Variants in DGKB observed in about 807,000 individuals in gnomAD.
DGKB encodes diacylglycerol kinase beta.
A neutral mutation model predicts 114.3 loss-of-function variants in DGKB; 67 were observed. The ratio of observed to expected loss-of-function variants is 0.59; its 90% CI spans 0.48 to 0.72. DGKB has a LOEUF of 0.72. Ranked by LOEUF, DGKB falls within the 30% of genes least tolerant of loss-of-function variation. DGKB has a pLI of 0.00. For synonymous variants in DGKB, 398 were observed against 323.1 expected (o/e 1.23, Z -2.49); for missense variants, 907 against 975.2 (o/e 0.93, Z 0.93).
chr7:14,650,755 C>T (rs1216310767), intron 13 of DGKB, among the ~76,000 whole-genome samples: 2 of 135,616 alleles, frequency 1.5e-5, no homozygotes, highest in Non-Finnish European at 3.1e-5. Context: ...GCTAGCAAGA[C>T]TAATAAAGAA....
intron 23 of DGKB, among the ~76,000 whole-genome samples, chr7:14,204,827 A>G (rs543165166): frequency 8.5e-5 from 13 of 152,176 alleles, no homozygotes; most frequent in South Asian, 2.1e-4. Context: ...TAGGGGAAAA[A>G]GAAATGTATT....
At chr7:14,909,008 T>C (rs1562867939) in intron 1 of DGKB, among the ~76,000 whole-genome samples, 1 of 124,826 alleles carries the variant, frequency 8.0e-6, no homozygotes, top group South Asian at 2.3e-4. Context: ...TCTCAGTCTA[T>C]GACTGGCTGG....
At chr7:14,819,803 T>C (rs905260054) in intron 2 of DGKB, among the ~76,000 whole-genome samples, 1 of 151,932 alleles carries the variant, frequency 6.6e-6, no homozygotes, top group African/African-American at 2.4e-5. Context: ...CATATATCTT[T>C]AAGAGTCAAA....
chr7:14,222,077 C>T (rs920856970), intron 23 of DGKB, among the ~76,000 whole-genome samples: 2 of 150,748 alleles, frequency 1.3e-5, no homozygotes, highest in East Asian at 1.9e-4. Flanking sequence ...TTGTTAATTT[C>T]GTTGATCTTT....
intron 23 of DGKB, among the ~76,000 whole-genome samples, chr7:14,288,827 T>C (rs942194064): frequency 6.6e-6 from 1 of 152,200 alleles, no homozygotes; most frequent in Non-Finnish European, 1.5e-5. Flanking sequence ...AGGAGGTTCC[T>C]TGACGTGTTG....
At chr7:14,245,679 G>T (rs1166610537) in intron 23 of DGKB, among the ~76,000 whole-genome samples, 1 of 152,200 alleles carries the variant, frequency 6.6e-6, no homozygotes, top group African/African-American at 2.4e-5. Context: ...TGTAATCCTA[G>T]CACTTTGGGA....
chr7:14,197,826 G>T (rs1181672147), intron 23 of DGKB, among the ~76,000 whole-genome samples: 1 of 152,098 alleles, frequency 6.6e-6, no homozygotes, highest in Non-Finnish European at 1.5e-5. Flanking sequence ...GTTTCTGTTT[G>T]ACAAGCTCAC....
At chr7:14,451,927 T>C (rs1255632883) in intron 21 of DGKB, among the ~76,000 whole-genome samples, 2 of 152,106 alleles carry the variant, frequency 1.3e-5, no homozygotes, top group East Asian at 3.9e-4. Flanking sequence ...AGACTTATGA[T>C]TGTTTAATAT....
At chr7:14,150,858 T>G (rs1276457861) in intron 25 of DGKB, among the ~76,000 whole-genome samples, 1 of 152,100 alleles carries the variant, frequency 6.6e-6, no homozygotes, top group Admixed American at 6.6e-5. Flanking sequence ...CATTCATCAT[T>G]TATTCATTTC....
chr7:14,242,605 T>G (rs2128368659), intron 23 of DGKB, among the ~76,000 whole-genome samples: 1 of 152,256 alleles, frequency 6.6e-6, no homozygotes, highest in Admixed American at 6.5e-5. Flanking sequence ...GAGCAAATCC[T>G]GACGGTTGTT....
intron 25 of DGKB, among the ~76,000 whole-genome samples, chr7:14,160,137 A>G (rs1459738235): frequency 6.6e-6 from 1 of 152,144 alleles, no homozygotes; most frequent in Non-Finnish European, 1.5e-5. Context: ...AAATAATAAT[A>G]GCTATTTATG....
chr7:14,207,838 G>T (rs535489364), intron 23 of DGKB, among the ~76,000 whole-genome samples: 90 of 151,894 alleles, frequency 5.9e-4, no homozygotes, highest in African/African-American at 2.1e-3. Flanking sequence ...GGAAGGAAAT[G>T]GATTCCAATA....
At chr7:14,175,876 C>T (rs972529225) in intron 25 of DGKB, 1 of 152,210 alleles carries the variant, frequency 6.6e-6, no homozygotes, top group Admixed American at 6.6e-5. Flanking sequence ...ACAATCTCAG[C>T]TCACTGCAAC....
At chr7:14,689,245 G>A (rs1455154715) in intron 9 of DGKB, among the ~76,000 whole-genome samples, 3 of 112,622 alleles carry the variant, frequency 2.7e-5, no homozygotes, top group African/African-American at 3.4e-5. Context: ...TCGCTCTGTC[G>A]CCCAGGCTGG....
At chr7:14,221,106 G>C (rs1789872967) in intron 23 of DGKB, among the ~76,000 whole-genome samples, 1 of 151,188 alleles carries the variant, frequency 6.6e-6, no homozygotes, top group South Asian at 2.1e-4. Context: ...AACATGTTAT[G>C]TGCAAATAGA....
intron 17 of DGKB, among the ~76,000 whole-genome samples, chr7:14,595,601 T>C (rs1014342853): frequency 6.7e-6 from 1 of 149,806 alleles, no homozygotes; most frequent in African/African-American, 2.5e-5. Context: ...TGTATATATA[T>C]AAATATGTAT....
Position 14,580,918 on chromosome 7 carries a change from G to A in DGKB, c.1553C>T (p.Ala518Val), listed in dbSNP as rs371813279. Residue 518 changes from alanine (A) to valine (V), a missense_variant, in exon 19 of 26, where the codon GCG (alanine) becomes GTG (valine). By Grantham distance (64) the Ala-to-Val change is moderately conservative. This residue lies in a region of DGKB where 814 missense variants were observed against 856.6 expected (regional missense o/e 0.95). Coordinates refer to ENST00000402815, the MANE Select transcript of DGKB (RefSeq NM_001350709.2). The stretch of plus-strand genomic sequence containing the variant: ...ATTGCCAGTCCCAAGAGGCAGAATC[G>A]CAACTGGAGGATGCTTGCCTACATT... Reference protein sequence around the residue: ...KANVGKHPPVAILPLGTGNDL... With the variant: ...KANVGKHPPVVILPLGTGNDL... 5 of 1,603,412 alleles carry A rather than the reference G, an allele frequency of 3.1e-6. No individual in the cohort carries two copies. The highest frequency in any genetic ancestry group is 4.3e-6 in the Non-Finnish European group (5 of 1,172,770).
intron 23 of DGKB, among the ~76,000 whole-genome samples, chr7:14,236,942 A>C (rs1859732): frequency 6.6e-6 from 1 of 151,236 alleles, no homozygotes; most frequent in Non-Finnish European, 1.5e-5. Flanking sequence ...TGTGATGTTT[A>C]TCCTCCACTT....
chr7:14,764,672 T>G (rs1836198748), intron 2 of DGKB, among the ~76,000 whole-genome samples: 1 of 151,844 alleles, frequency 6.6e-6, no homozygotes, highest in Non-Finnish European at 1.5e-5. Context: ...AAAGTGAGAG[T>G]TAATCAGCAA....
Sources: gnomAD v4.1 joint callset for allele counts (sites outside exome capture counted in the v4.1 genomes callset) on GRCh38, gnomAD v4.1.1 for gene constraint, gnomAD v4.1.1 regional missense constraint, MANE v1.5 for transcripts, NCBI Gene and HGNC (gene_info 2026-07-23, HGNC 2026-07-21) for gene names.